NUP153: variants seen among roughly 807,000 people sequenced by gnomAD.
The protein encoded by NUP153 is nucleoporin 153, also known as nuclear pore complex protein Nup153.
NUP153 carries 27 observed loss-of-function variants against 134.6 expected under a neutral mutation model. That is an observed-to-expected ratio of 0.20 (90% confidence interval 0.15 to 0.28). NUP153 has a LOEUF of 0.28. Ranked by LOEUF, NUP153 falls within the 10% of genes least tolerant of loss-of-function variation. The pLI is 1.00. For synonymous variants in NUP153, 640 were observed against 623.5 expected, an observed-to-expected ratio of 1.03 and a Z score of -0.40; for missense variants, 1,821 against 1,731.3, an observed-to-expected ratio of 1.05 and a Z score of -0.92.
intron 13 of NUP153, 48 bp downstream of exon 13, chr6:17,647,759 A>G (rs1197512081): frequency 1.7e-6 from 2 of 1,150,466 alleles, no homozygotes; most frequent in Non-Finnish European, 2.6e-6. Flanking sequence ...AAAATATAAC[A>G]TGGCTTTGAA....
intron 8 of NUP153, among the ~76,000 whole-genome samples, chr6:17,666,608 A>G (rs961128775): frequency 8.5e-5 from 13 of 152,232 alleles, no homozygotes; most frequent in Non-Finnish European, 5.9e-5. Context: ...TGTTATTTAA[A>G]TACCAAACCA....
At position 17,645,080 on chromosome 6, in the gene NUP153, G is replaced by A. The variant is rs185999442; in HGVS notation, c.1720+987C>T. 2.1e-3 allele frequency among the ~76,000 whole-genome samples: 317 copies of A among 151,596 alleles called. 2 individuals carry two copies. The highest frequency in any genetic ancestry group is 6.9e-3 in the African/African-American group (285 of 41,314). Reference sequence around the variant, plus strand: ...AACCTGGGGGACACAACAAGGCTCCGTCTCACAATTAAAAGAAAAAAAAAG... The same window carrying A: ...AACCTGGGGGACACAACAAGGCTCCATCTCACAATTAAAAGAAAAAAAAAG... On this transcript the variant is annotated intron_variant, in intron 14 of 21. Coordinates refer to ENST00000262077, the MANE Select transcript of NUP153 (RefSeq NM_005124.4).
chr6:17,635,707 A>G (rs1178556329), intron 16 of NUP153, among the ~76,000 whole-genome samples: 1 of 152,194 alleles, frequency 6.6e-6, no homozygotes, highest in Non-Finnish European at 1.5e-5. Context: ...CCTATTGCCT[A>G]TATGATTGAT....
In NUP153 at chr6:17,615,755, C is replaced by T. The variant is rs796778404; in HGVS notation, c.*342G>A. ...AACGCGTTCCATGAACGCTTATCAG[C>T]GCACATAATGGTGTAGACAAAGAGG... is the stretch of plus-strand genomic sequence containing the variant. On this transcript the variant is annotated 3_prime_UTR_variant, in exon 22 of 22. Coordinates refer to ENST00000262077, the MANE Select transcript of NUP153 (RefSeq NM_005124.4). This position sits in a 1 kb window ranked among gnomAD's most constrained non-coding sequence, Gnocchi z 5.7. 5.6e-5 allele frequency: 11 copies of T among 195,000 alleles called. No individual in the cohort carries two copies. Among genetic ancestry groups the T allele is most frequent in the Admixed American group, 1.8e-4 (3 of 16,882 alleles). 12.1% of individuals were successfully genotyped at this position (195,000 alleles called of 1,614,324 possible).
intron 11 of NUP153, 69 bp downstream of exon 11, chr6:17,661,584 C>A: frequency 1.3e-6 from 2 of 1,486,366 alleles, no homozygotes; most frequent in South Asian, 2.8e-5. Flanking sequence ...CCCTACAGGT[C>A]TCCCCTTACC....
intron 11 of NUP153, among the ~76,000 whole-genome samples, chr6:17,652,242 A>C (rs1766539421): frequency 6.6e-6 from 1 of 150,984 alleles, no homozygotes. Flanking sequence ...CAACTACAGA[A>C]TATATTTTCT....
chr6:17,637,332 A>C lies in NUP153; in HGVS notation c.2285T>G (p.Val762Gly). 1 of 1,614,126 alleles carries C rather than the reference A, an allele frequency of 6.2e-7. No homozygotes were observed. Among genetic ancestry groups the C allele is most frequent in the Non-Finnish European group, 8.5e-7 (1 of 1,180,034 alleles). The change falls in exon 16 of 22, where the codon GTG becomes GGG. Residue 762 changes from valine to glycine, a missense_variant. Transcript: ENST00000262077. Reference sequence around the variant, plus strand: ...CATAGTCTCAGCACTTTCCGAAACCACTGTCAATGTAAGGGCTCGCTTCAC... The same window carrying C: ...CATAGTCTCAGCACTTTCCGAAACCCCTGTCAATGTAAGGGCTCGCTTCAC... ...TCVKRALTLT[V>G]VSESAETMTA... is the part of the protein sequence containing the mutation.
At chr6:17,659,111 G>A (rs1273052134) in intron 11 of NUP153, among the ~76,000 whole-genome samples, 1 of 152,180 alleles carries the variant, frequency 6.6e-6, no homozygotes, top group Admixed American at 6.5e-5. Context: ...AAGGAATTGG[G>A]CTACAAAGTT....
intron 1 of NUP153, among the ~76,000 whole-genome samples, chr6:17,691,320 C>A (rs886591516): frequency 1.3e-5 from 2 of 152,126 alleles, no homozygotes; most frequent in Non-Finnish European, 2.9e-5. Flanking sequence ...TTTTTCTTTG[C>A]TAATATTACA....
rs776481064 is a variant in NUP153 at position 17,674,912 on chromosome 6, G to C, written c.845C>G (p.Pro282Arg). ...AVRQSKLRNT[P>R]YQAPVRRQMK... ...CCTTCTATTGGAACCTACCTGATAA[G>C]GTGTATTTCGTAGTTTAGACTGTCT... Residue 282 changes from proline (P) to arginine (R), a missense_variant, in exon 5 of 22, where the codon CCT becomes CGT. Transcript: ENST00000262077. The C allele has an allele frequency of 1.1e-5, 18 of 1,604,646 alleles. No individual in the cohort carries two copies. The South Asian group carries it at 2.0e-4, about 18-fold the overall frequency.
rs1554141477 is a variant in NUP153, at chr6:17,661,633, A to T, written c.1395+20T>A. 2.5e-6 allele frequency: 4 copies of T among 1,609,874 alleles called. No individual in the cohort carries two copies. The Admixed American group carries it at 6.7e-5, about 27-fold the overall frequency. On this transcript the variant is annotated intron_variant, in intron 11 of 21. Coordinates refer to ENST00000262077, the MANE Select transcript of NUP153 (RefSeq NM_005124.4). ...TGCTTTTTAAATAAACCTCAAGAGT[A>T]TATGAGTATACAACCCTACCTCCTC...
intron 1 of NUP153, among the ~76,000 whole-genome samples, chr6:17,695,032 G>C (rs1371861028): frequency 6.6e-6 from 1 of 151,736 alleles, no homozygotes; most frequent in Non-Finnish European, 1.5e-5. Flanking sequence ...CGAACAAAAA[G>C]GTGCTAAGAC....
chr6:17,619,387 C>T (rs1764523599), intron 20 of NUP153: 1 of 152,050 alleles, frequency 6.6e-6, no homozygotes, highest in African/African-American at 2.4e-5. Context: ...AGACATGACA[C>T]CCAGGAAACG....
intron 14 of NUP153, among the ~76,000 whole-genome samples, chr6:17,642,654 C>T (rs1441658737): frequency 6.6e-6 from 1 of 152,196 alleles, no homozygotes; most frequent in South Asian, 2.1e-4. Context: ...TAATACAGAA[C>T]TACCATCTGA....
chr6:17,641,139 T>C (rs967018628), intron 14 of NUP153, among the ~76,000 whole-genome samples: 2 of 152,164 alleles, frequency 1.3e-5, no homozygotes, highest in South Asian at 2.1e-4. Flanking sequence ...GCGATTTCTA[T>C]TTACAGATAA....
At chr6:17,664,226 G>C (rs1314925678) in intron 9 of NUP153, among the ~76,000 whole-genome samples, 1 of 152,148 alleles carries the variant, frequency 6.6e-6, no homozygotes, top group Non-Finnish European at 1.5e-5. Flanking sequence ...TTTTCAAAGG[G>C]TGGGAGAGAT....
intron 1 of NUP153, among the ~76,000 whole-genome samples, chr6:17,701,657 T>A (rs934255830): frequency 2.2e-5 from 2 of 90,460 alleles, no homozygotes; most frequent in Non-Finnish European, 4.5e-5. Context: ...CAAGACTCCA[T>A]CTCAAAAAAA....
At chr6:17,650,733 A>G (rs1766455265) in intron 11 of NUP153, among the ~76,000 whole-genome samples, 1 of 151,648 alleles carries the variant, frequency 6.6e-6, no homozygotes, top group African/African-American at 2.4e-5. Flanking sequence ...GACATGAGGA[A>G]TATGTGAGCA....
At chr6:17,627,573 G>T (rs1234096236) in intron 18 of NUP153, among the ~76,000 whole-genome samples, 1 of 152,100 alleles carries the variant, frequency 6.6e-6, no homozygotes, top group Non-Finnish European at 1.5e-5. Context: ...TCTGCTCACT[G>T]CCACCTCCGC....
Sources: gnomAD v4.1 joint callset for allele counts (sites outside exome capture counted in the v4.1 genomes callset) on GRCh38, gnomAD v4.1.1 for gene constraint, Gnocchi (gnomAD v3.1) non-coding constraint, MANE v1.5 for transcripts, NCBI Gene and HGNC (gene_info 2026-07-23, HGNC 2026-07-21) for gene names.